Variants in MACROD2 observed in about 807,000 individuals in gnomAD.
MACROD2 encodes the protein mono-ADP ribosylhydrolase 2.
A neutral mutation model predicts 70.4 loss-of-function variants in MACROD2; 36 were observed. The observed-to-expected ratio is 0.51, with a 90% confidence interval of 0.39 to 0.68. MACROD2 has a LOEUF of 0.68. Among genes scored for constraint, MACROD2 ranks in the 30% least tolerant of loss-of-function variants. The pLI is 0.00. For missense variants in MACROD2, 496 were observed against 538.4 expected (o/e 0.92, Z 0.78); for synonymous variants, 172 against 178.8 (o/e 0.96, Z 0.30).
At chr20:14,950,698 G>A (rs899317664) in intron 5 of MACROD2, among the ~76,000 whole-genome samples, 4 of 152,130 alleles carry the variant, frequency 2.6e-5, no homozygotes, top group African/African-American at 7.2e-5. Flanking sequence ...GGACTTCAGG[G>A]TCTCCATTGA....
At chr20:14,480,863 G>A (rs1048942008) in intron 3 of MACROD2, among the ~76,000 whole-genome samples, 9 of 152,010 alleles carry the variant, frequency 5.9e-5, no homozygotes, top group African/African-American at 1.9e-4. Context: ...ACTTACAGTC[G>A]ATATAAATAT....
At chr20:15,579,542 C>T (rs937332251) in intron 8 of MACROD2, among the ~76,000 whole-genome samples, 1 of 152,194 alleles carries the variant, frequency 6.6e-6, no homozygotes, top group African/African-American at 2.4e-5. Flanking sequence ...CTTTAACTGC[C>T]AAACTGAGGG....
chr20:14,003,855 A>G (rs1000862857), intron 2 of MACROD2, among the ~76,000 whole-genome samples: 3 of 152,146 alleles, frequency 2.0e-5, no homozygotes, highest in Non-Finnish European at 4.4e-5. Flanking sequence ...ATACAGGGCT[A>G]GAAATCAGGA....
chr20:15,452,382 A>G (rs954511430), intron 7 of MACROD2, among the ~76,000 whole-genome samples: 2 of 152,268 alleles, frequency 1.3e-5, no homozygotes, highest in Middle Eastern at 3.4e-3. Flanking sequence ...TAATACTGAA[A>G]GGTGACCCAA....
chr20:14,068,555 G>A (rs906279945), intron 2 of MACROD2, among the ~76,000 whole-genome samples: 1 of 152,198 alleles, frequency 6.6e-6, no homozygotes, highest in Non-Finnish European at 1.5e-5. Context: ...GATTCAGAGA[G>A]TGAGAAGTAA....
At chr20:15,773,799 C>A (rs1238971295) in intron 8 of MACROD2, among the ~76,000 whole-genome samples, 1 of 152,046 alleles carries the variant, frequency 6.6e-6, no homozygotes, top group Non-Finnish European at 1.5e-5. Flanking sequence ...ATGTTATGAA[C>A]AGCATTGTCC....
intron 8 of MACROD2, among the ~76,000 whole-genome samples, chr20:15,815,621 A>G (rs958968540): frequency 4.6e-5 from 7 of 152,200 alleles, no homozygotes; most frequent in Non-Finnish European, 8.8e-5. Context: ...ATATTATGAC[A>G]GTTGTCCAGG....
At chr20:15,929,407 C>T (rs1180748143) in intron 10 of MACROD2, among the ~76,000 whole-genome samples, 2 of 151,000 alleles carry the variant, frequency 1.3e-5, no homozygotes, top group Non-Finnish European at 3.0e-5. Context: ...ATATTCTCTG[C>T]TCACAGTGGG....
intron 3 of MACROD2, among the ~76,000 whole-genome samples, chr20:14,134,378 C>T (rs1247835283): frequency 6.6e-6 from 1 of 152,184 alleles, no homozygotes; most frequent in Non-Finnish European, 1.5e-5. Context: ...TATGATTCCC[C>T]TAACCACTTT....
At chr20:14,593,020 C>G (rs1056694783) in intron 4 of MACROD2, among the ~76,000 whole-genome samples, 1 of 152,034 alleles carries the variant, frequency 6.6e-6, no homozygotes, top group Non-Finnish European at 1.5e-5. Context: ...TGATTTTAGA[C>G]ACATATATTA....
At chr20:15,286,381 CT>C (rs2077491520) in intron 6 of MACROD2, among the ~76,000 whole-genome samples, 7 of 151,858 alleles carry the variant, frequency 4.6e-5, no homozygotes, top group African/African-American at 1.7e-4. Flanking sequence ...CAACATGATT[CT>C]CCAGGTTTAT....
Position 13,995,967 on chromosome 20 carries a change from A to G in MACROD2, c.46+158A>G, listed in dbSNP as rs2052635462. Among the ~76,000 whole-genome samples, 1 of 152,032 alleles carries G rather than the reference A, an allele frequency of 6.6e-6. No homozygotes were observed. The highest frequency in any genetic ancestry group is 1.9e-4 in the East Asian group (1 of 5,130). ...CCGGTGTCCGTGTGTACACACGCGCACACTCGCGCGCACTCCGGCGTGCAC... is the reference window on the plus strand; with the variant it reads ...CCGGTGTCCGTGTGTACACACGCGCGCACTCGCGCGCACTCCGGCGTGCAC... On this transcript the variant is annotated intron_variant, in intron 1 of 17. Transcript: ENST00000684519. The surrounding 1 kb of genome is among the most constrained non-coding windows in gnomAD (Gnocchi z 4.3).
intron 5 of MACROD2, among the ~76,000 whole-genome samples, chr20:15,204,267 T>C (rs1209758672): frequency 6.6e-6 from 1 of 152,126 alleles, no homozygotes; most frequent in Non-Finnish European, 1.5e-5. Flanking sequence ...AAAATTCCAT[T>C]TCTCATGAAT....
At chr20:14,311,093 A>G (rs1011707861) in intron 3 of MACROD2, among the ~76,000 whole-genome samples, 1 of 152,328 alleles carries the variant, frequency 6.6e-6, no homozygotes, top group Non-Finnish European at 1.5e-5. Flanking sequence ...TTAAGTGTAC[A>G]GTGTTTATAC....
chr20:13,995,857 T>TG lies in MACROD2; in HGVS notation c.46+53dup. 2.1e-5 allele frequency: 6 copies of TG among 284,142 alleles called. No homozygotes were observed. Among genetic ancestry groups the TG allele is most frequent in the Admixed American group, 1.3e-4 (3 of 22,406 alleles). The allele number at this position is 284,142 out of a possible 1,614,324, so 17.6% of individuals were successfully genotyped here. A position where few individuals can be genotyped will look rare whatever the true frequency, so the allele number is the denominator to read the frequency against. ...GGGGTGCGGGCGGTGGGGGTTAGGG[T>TG]GGGGGCGGGGGTCAGGCTGTGTGTG... On this transcript the variant is annotated intron_variant, in intron 1 of 17. Transcript: ENST00000684519. The surrounding 1 kb of genome is among the most constrained non-coding windows in gnomAD (Gnocchi z 4.3).
intron 3 of MACROD2, among the ~76,000 whole-genome samples, chr20:14,135,248 C>G (rs1401407422): frequency 6.6e-6 from 1 of 152,034 alleles, no homozygotes; most frequent in Non-Finnish European, 1.5e-5. Flanking sequence ...TAGATATACA[C>G]ATTCTTTATA....
At chr20:14,517,550 TA>T (rs1730275536) in intron 4 of MACROD2, among the ~76,000 whole-genome samples, 1 of 151,884 alleles carries the variant, frequency 6.6e-6, no homozygotes, top group African/African-American at 2.4e-5. Flanking sequence ...GGTGGGGGAC[TA>T]GGGGAGGGAT....
intron 6 of MACROD2, among the ~76,000 whole-genome samples, chr20:15,300,890 G>A (rs983141250): frequency 3.9e-5 from 6 of 152,146 alleles, no homozygotes; most frequent in African/African-American, 9.7e-5. Flanking sequence ...CTGAAGACCC[G>A]GATGGAATGG....
At chr20:14,928,430 G>A (rs1313374324) in intron 5 of MACROD2, among the ~76,000 whole-genome samples, 1 of 152,136 alleles carries the variant, frequency 6.6e-6, no homozygotes, top group Admixed American at 6.5e-5. Flanking sequence ...AAAAATAAAA[G>A]CTTTAAAAGG....
Sources: allele counts gnomAD v4.1 joint callset (sites outside exome capture counted in the v4.1 genomes callset), GRCh38; gene constraint gnomAD v4.1.1; non-coding constraint Gnocchi (gnomAD v3.1); transcripts MANE v1.5; gene names NCBI Gene and HGNC (gene_info 2026-07-23, HGNC 2026-07-21).